CORIN: variants seen among roughly 807,000 people sequenced by gnomAD.
CORIN encodes atrial natriuretic peptide-converting enzyme.
In CORIN, 117 loss-of-function variants were observed where a neutral mutation model predicts 125.3. The observed-to-expected ratio is 0.93, with a 90% CI of 0.80 to 1.09. The LOEUF is 1.09. Ranked by LOEUF, CORIN falls within the 50% of genes least tolerant of loss-of-function variation. CORIN has a pLI of 0.00. For synonymous variants in CORIN, 450 were observed against 466.4 expected (o/e 0.96, Z 0.45); for missense variants, 1,253 against 1,306.7 (o/e 0.96, Z 0.63).
chr4:47,755,994 G>A (rs1577894595), intron 4 of CORIN, among the ~76,000 whole-genome samples: 1 of 152,276 alleles, frequency 6.6e-6, no homozygotes, highest in South Asian at 2.1e-4. Flanking sequence ...TGAACAATGG[G>A]TATACAATGA....
rs538507240 is a variant in CORIN at position 47,834,563 on chromosome 4, A to G, written c.63+3324T>C. On this transcript the variant is annotated intron_variant, in intron 1 of 21. Transcript: ENST00000273857. ...TCTGTAGTTAAGAATACTATATTCT[A>G]TACTTAAAAATTTGCTAGGTGGGTA... Among the ~76,000 whole-genome samples, 3 of 152,342 alleles carry G rather than the reference A, an allele frequency of 2.0e-5. No homozygotes were observed. In the South Asian group the frequency reaches 6.2e-4, roughly 32 times the overall value.
At chr4:47,833,142 T>C (rs1733143538) in intron 1 of CORIN, among the ~76,000 whole-genome samples, 1 of 150,018 alleles carries the variant, frequency 6.7e-6, no homozygotes, top group Admixed American at 6.6e-5. Flanking sequence ...GCTAGAGGTA[T>C]CATACGTCAT....
At chr4:47,622,695 T>C (rs1251724381) in intron 19 of CORIN, among the ~76,000 whole-genome samples, 1 of 152,166 alleles carries the variant, frequency 6.6e-6, no homozygotes, top group Admixed American at 6.5e-5. Flanking sequence ...TTTGATGGGG[T>C]TGAATAGAAC....
At chr4:47,616,488 T>C (rs1168771685) in intron 19 of CORIN, among the ~76,000 whole-genome samples, 2 of 152,102 alleles carry the variant, frequency 1.3e-5, no homozygotes, top group African/African-American at 2.4e-5. Context: ...GTCTCTGACA[T>C]ATGAAGAAAA....
chr4:47,723,473 GGAGGATCCAGA>G (rs1454108508), intron 5 of CORIN, among the ~76,000 whole-genome samples: 4 of 152,144 alleles, frequency 2.6e-5, no homozygotes, highest in African/African-American at 9.7e-5. Flanking sequence ...ACACTCATGG[GGAGGATCCAGA>G]GAGCACTACA....
rs78413587 is a variant in CORIN at position 47,711,308 on chromosome 4, G to A, written c.800-18225C>T. On this transcript the variant is annotated intron_variant, in intron 5 of 21. Coordinates refer to ENST00000273857, the MANE Select transcript of CORIN (RefSeq NM_006587.4). ...ACTCCCCGCGTTTTTCACAGTAATG[G>A]AGTTTAAGATGCCTCCATGTACCCA... 6.1e-3 allele frequency among the ~76,000 whole-genome samples: 926 copies of A among 152,324 alleles called. 2 individuals are homozygous for A. The highest frequency in any genetic ancestry group is 8.1e-3 in the Non-Finnish European group (550 of 68,026).
chr4:47,718,495 C>T (rs1452875549), intron 5 of CORIN, among the ~76,000 whole-genome samples: 1 of 152,190 alleles, frequency 6.6e-6, no homozygotes, highest in South Asian at 2.1e-4. Context: ...TGGCATCCAG[C>T]ATGCGTGCAA....
At chr4:47,658,494 T>C (rs1025593738) in intron 12 of CORIN, among the ~76,000 whole-genome samples, 13 of 152,242 alleles carry the variant, frequency 8.5e-5, no homozygotes, top group African/African-American at 1.9e-4. Context: ...CAGTGACCCA[T>C]TGGGGACTCT....
chr4:47,805,198 A>G (rs1217419627), intron 2 of CORIN, among the ~76,000 whole-genome samples: 1 of 151,140 alleles, frequency 6.6e-6, no homozygotes, highest in South Asian at 2.1e-4. Flanking sequence ...TATAAAAAAA[A>G]TAGAGTATAA....
intron 2 of CORIN, among the ~76,000 whole-genome samples, chr4:47,788,548 T>C (rs73150681): frequency 0.012 from 1,853 of 152,306 alleles, 50 homozygotes; most frequent in African/African-American, 0.042. Context: ...TTCAAAATGA[T>C]TTAGACTTTA....
At chr4:47,818,111 A>C (rs1732351602) in intron 1 of CORIN, among the ~76,000 whole-genome samples, 2 of 152,252 alleles carry the variant, frequency 1.3e-5, no homozygotes, top group South Asian at 4.1e-4. Context: ...CTGTCTCTAC[A>C]GAATGTTTAT....
intron 1 of CORIN, among the ~76,000 whole-genome samples, chr4:47,817,477 C>T (rs994884080): frequency 1.7e-4 from 26 of 152,246 alleles, no homozygotes; most frequent in African/African-American, 5.3e-4. Flanking sequence ...GGACTTTAGA[C>T]TTTGGACAGT....
At chr4:47,744,350 T>C (rs1162575512) in intron 5 of CORIN, 52 bp downstream of exon 5, 3 of 1,486,402 alleles carry the variant, frequency 2.0e-6, no homozygotes, top group Non-Finnish European at 2.8e-6. Flanking sequence ...CCTGTATAAA[T>C]GGCATACTCA....
At chr4:47,706,824 T>A (rs1726589368) in intron 5 of CORIN, 2 of 1,598,196 alleles carry the variant, frequency 1.3e-6, no homozygotes, top group East Asian at 4.5e-5. Flanking sequence ...ACCCCATGGA[T>A]CACCAAACCA....
chr4:47,600,437 A>T, intron 20 of CORIN, 90 bp from the exon 21 acceptor site: 1 of 767,500 alleles, frequency 1.3e-6, no homozygotes, highest in Non-Finnish European at 1.9e-6. Context: ...AAATGCAAAT[A>T]TAATATAAAT....
chr4:47,666,687 C>T (rs932960060), intron 10 of CORIN, among the ~76,000 whole-genome samples: 1 of 152,112 alleles, frequency 6.6e-6, no homozygotes, highest in African/African-American at 2.4e-5. Context: ...GGAGAAGAGA[C>T]TAAAGCTCTC....
At chr4:47,748,670 T>C (rs1338657482) in intron 4 of CORIN, among the ~76,000 whole-genome samples, 2 of 152,162 alleles carry the variant, frequency 1.3e-5, no homozygotes, top group Non-Finnish European at 2.9e-5. Flanking sequence ...TTATAGTATA[T>C]ATACAAATTA....
At chr4:47,705,626 G>T (rs1178147390) in intron 5 of CORIN, among the ~76,000 whole-genome samples, 1 of 152,114 alleles carries the variant, frequency 6.6e-6, no homozygotes, top group Non-Finnish European at 1.5e-5. Flanking sequence ...TTGATCAATC[G>T]GTTGATTTTT....
chr4:47,709,076 T>C (rs574025497), intron 5 of CORIN, among the ~76,000 whole-genome samples: 1 of 152,228 alleles, frequency 6.6e-6, no homozygotes, highest in South Asian at 2.1e-4. Context: ...TTGACTTCCC[T>C]CCCTTTCCAT....
Sources: allele counts gnomAD v4.1 joint callset (sites outside exome capture counted in the v4.1 genomes callset), GRCh38; gene constraint gnomAD v4.1.1; transcripts MANE v1.5; gene names NCBI Gene and HGNC (gene_info 2026-07-23, HGNC 2026-07-21).